ATRIP: variants seen among roughly 807,000 people sequenced by gnomAD.
The protein encoded by ATRIP is ATR-interacting protein.
Under a neutral mutation model 78.1 loss-of-function variants are expected in ATRIP, and 44 were observed. That is an observed-to-expected ratio of 0.56 (90% CI 0.44 to 0.72). ATRIP has a LOEUF of 0.72. ATRIP is among the 30% of genes least tolerant of loss of function. The pLI is 0.00. For missense variants in ATRIP, 927 were observed against 980.2 expected, an observed-to-expected ratio of 0.95 and a Z score of 0.72; for synonymous variants, 388 against 408.9, an observed-to-expected ratio of 0.95 and a Z score of 0.62.
Position 48,447,063 on chromosome 3 carries a change from A to G in ATRIP, c.218A>G (p.Gln73Arg). ...LDTLASQALS[Q>R]CPAAARDVSS... ...ACCCTCGCGTCACAGGCCCTGAGCC[A>G]ATGTCCGGCCGCGGCTCGGGACGTG... Residue 73 changes from glutamine to arginine, a missense_variant, in exon 1 of 13, where the codon CAA becomes CGA. Coordinates refer to ENST00000320211, the MANE Select transcript of ATRIP (RefSeq NM_130384.3). The G allele has an allele frequency of 6.4e-7, 1 of 1,566,528 alleles. No individual in the cohort carries two copies. The highest frequency in any genetic ancestry group is 8.6e-7 in the Non-Finnish European group (1 of 1,159,512).
At position 48,467,560 on chromosome 3, in the gene ATRIP, CCA is replaced by C. The variant is rs1315240244; in HGVS notation, c.*2010_*2011del. The C allele has an allele frequency of 1.2e-6, 2 of 1,613,794 alleles. No individual in the cohort carries two copies. Among genetic ancestry groups the C allele is most frequent in the Admixed American group, 1.7e-5 (1 of 60,026 alleles). ...CTGGCCATCCTGACCTTGGCAGTAGCCACACTGTATGGACTATCCCTGGCCAC... is the reference window on the plus strand; with the variant it reads ...CTGGCCATCCTGACCTTGGCAGTAGCCACTGTATGGACTATCCCTGGCCAC... On this transcript the variant is annotated 3_prime_UTR_variant, in exon 13 of 13. Coordinates refer to ENST00000320211, the MANE Select transcript of ATRIP (RefSeq NM_130384.3).
intron 8 of ATRIP, 115 bp downstream of exon 8, chr3:48,460,914 T>A: frequency 9.5e-7 from 1 of 1,056,598 alleles, no homozygotes; most frequent in Non-Finnish European, 1.3e-6. Context: ...TAGTTAGTTC[T>A]AAGGCTTGGT....
chr3:48,452,994 C>G (rs1004661720), intron 3 of ATRIP, among the ~76,000 whole-genome samples: 7 of 151,570 alleles, frequency 4.6e-5, no homozygotes, highest in African/African-American at 1.7e-4. Context: ...AAGCAATCCT[C>G]CCATCTCAGC....
At chr3:48,451,656 C>A (rs1474690448) in intron 2 of ATRIP, 73 bp from the exon 3 acceptor site, 2 of 1,323,066 alleles carry the variant, frequency 1.5e-6, no homozygotes, top group African/African-American at 1.5e-5. Context: ...ATCTCCCCAA[C>A]TACATGTTAA....
rs552759619 is a variant in ATRIP, at chr3:48,464,211, A to G, written c.1974+79A>G. The G allele has an allele frequency of 2.3e-6, 3 of 1,276,594 alleles. No individual in the cohort carries two copies. The South Asian group carries it at 3.6e-5, about 16-fold the overall frequency. 79.1% of individuals were successfully genotyped at this position (1,276,594 alleles called of 1,614,324 possible). A position where few individuals can be genotyped will look rare whatever the true frequency, so the allele number is the denominator to read the frequency against. The stretch of plus-strand genomic sequence containing the variant: ...AACAGAATCTCCTTTCTTTCCGCTG[A>G]GGAGAAACGGAGCTTTAATTCATTT... On this transcript the variant is annotated intron_variant, in intron 10 of 12. Coordinates refer to ENST00000320211, the MANE Select transcript of ATRIP (RefSeq NM_130384.3).
rs1460371878 is a variant in ATRIP at position 48,467,324 on chromosome 3, C to T, written c.*1770C>T. 6.2e-7 allele frequency: 1 copy of T among 1,614,046 alleles called. No homozygotes were observed. The highest frequency in any genetic ancestry group is 8.5e-7 in the Non-Finnish European group (1 of 1,180,052). On this transcript the variant is annotated 3_prime_UTR_variant, in exon 13 of 13. Coordinates refer to ENST00000320211, the MANE Select transcript of ATRIP (RefSeq NM_130384.3). ...TGCTGCGGTGGGTGGATGCTCACGCCAGGCCTTTCGGCACCATCAGGCCCA... is the reference window on the plus strand; with the variant it reads ...TGCTGCGGTGGGTGGATGCTCACGCTAGGCCTTTCGGCACCATCAGGCCCA...
intron 5 of ATRIP, among the ~76,000 whole-genome samples, chr3:48,459,133 T>C (rs565843018): frequency 1.3e-5 from 2 of 152,348 alleles, no homozygotes; most frequent in African/African-American, 4.8e-5. Context: ...AATTGCCTCA[T>C]TTTGAGTGAG....
Position 48,451,815 on chromosome 3 carries a change from A to G in ATRIP, c.468A>G (p.Leu156=), listed in dbSNP as rs1270800323. 3 of 1,613,154 alleles carry G rather than the reference A, an allele frequency of 1.9e-6. No homozygotes were observed. The highest frequency in any genetic ancestry group is 1.3e-5 in the African/African-American group (1 of 74,950). ...CACTACATCAGACGGAATCCGTTCT[A>G]GAGGAACAGAGAAGATCACATTTTC... The part of the protein sequence containing the change: ...RDSLHQTESV[L]EEQRRSHFLL... The change falls in exon 3 of 13, where the codon CTA becomes CTG. Residue 156 remains leucine (L), a synonymous_variant. Transcript: ENST00000320211.
At chr3:48,458,590 G>A (rs959416572) in intron 5 of ATRIP, among the ~76,000 whole-genome samples, 2 of 152,136 alleles carry the variant, frequency 1.3e-5, no homozygotes, top group Non-Finnish European at 2.9e-5. Flanking sequence ...AAAATGCTGG[G>A]ATTACAGGCA....
Position 48,460,240 on chromosome 3 carries a change from C to T in ATRIP, c.1186C>T (p.Arg396Cys), listed in dbSNP as rs373330865. Reference protein sequence around the residue: ...LNLVARNECSRDGDPAEGGRR... With the variant: ...LNLVARNECSCDGDPAEGGRR... ...TCTGGTTGCCCGGAATGAGTGCTCA[C>T]GTGATGGAGACCCAGCAGAGGGAGG... The change falls in exon 8 of 13, where the codon CGT becomes TGT. Residue 396 changes from arginine to cysteine, a missense_variant. Coordinates refer to ENST00000320211, the MANE Select transcript of ATRIP (RefSeq NM_130384.3). 4.2e-5 allele frequency: 68 copies of T among 1,614,044 alleles called. No individual in the cohort carries two copies. In the African/African-American group the frequency reaches 6.3e-4, roughly 15 times the overall value.
intron 4 of ATRIP, among the ~76,000 whole-genome samples, chr3:48,455,108 C>T (rs2039924108): frequency 6.6e-6 from 1 of 152,164 alleles, no homozygotes; most frequent in South Asian, 2.1e-4. Context: ...AATGATTTGC[C>T]AGCCTGGGCC....
chr3:48,464,556 A>G (rs377592809), intron 10 of ATRIP, 26 bp from the exon 11 acceptor site: 3 of 1,612,554 alleles, frequency 1.9e-6, no homozygotes, highest in African/African-American at 2.7e-5. Context: ...TCTGCCCAGG[A>G]TGGAACCAAT....
chr3:48,448,906 C>G (rs997732922), intron 1 of ATRIP, among the ~76,000 whole-genome samples: 1 of 152,192 alleles, frequency 6.6e-6, no homozygotes, highest in African/African-American at 2.4e-5. Context: ...GTCTTTTAAG[C>G]TCTGTGAGTG....
intron 2 of ATRIP, chr3:48,450,548 GGAATATGT>G: frequency 1.6e-6 from 2 of 1,287,416 alleles, no homozygotes; most frequent in Non-Finnish European, 2.0e-6. Flanking sequence ...AAGAAAACCA[GGAATATGT>G]GGAATTTTAG....
chr3:48,463,717 C>CA (rs2040182588), intron 8 of ATRIP, 28 bp from the exon 9 acceptor site: 1 of 1,613,086 alleles, frequency 6.2e-7, no homozygotes. Flanking sequence ...TGGGGAGTGT[C>CA]ACGTCTCTCT....
chr3:48,464,030 G>C lies in ATRIP; in HGVS notation c.1883-11G>C, dbSNP rs375243358. 223 of 1,612,740 alleles carry C rather than the reference G, an allele frequency of 1.4e-4. No homozygotes were observed. In the Middle Eastern group the frequency reaches 2.5e-3, roughly 18 times the overall value. ...GGGCACCCTGAGTGAGAGGTGCGCT[G>C]TCCTTTTCAGAAGGCTGCCTCCTGC... On this transcript the variant is annotated splice_polypyrimidine_tract_variant and intron_variant, in intron 9 of 12. Transcript: ENST00000320211.
At position 48,463,814 on chromosome 3, in the gene ATRIP, G is replaced by T. The variant is rs1475666486; in HGVS notation, c.1815G>T (p.Leu605=). 4 of 1,614,148 alleles carry T rather than the reference G, an allele frequency of 2.5e-6. No homozygotes were observed. In the South Asian group the frequency reaches 4.4e-5, roughly 18 times the overall value. The stretch of plus-strand genomic sequence containing the variant: ...AGACACCCCTGCCTAGCGTGCTGCT[G>T]GCTGTTGAGCTCCTCTCCCTGCTGG... ...SPETPLPSVL[L]AVELLSLLAD... is the part of the protein sequence containing the mutation. The change falls in exon 9 of 13, where the codon CTG becomes CTT. Residue 605 remains leucine (L), a synonymous_variant. Transcript: ENST00000320211.
In ATRIP at chr3:48,466,848, G is replaced by A; in HGVS notation, c.*1294G>A. ...AGTTCCTCCACCACCGCGTGTGGTA[G>A]ACAAGCTCTCCCTGTGTGTGGCTCC... On this transcript the variant is annotated 3_prime_UTR_variant, in exon 13 of 13. Coordinates refer to ENST00000320211, the MANE Select transcript of ATRIP (RefSeq NM_130384.3). 2 of 1,613,932 alleles carry A rather than the reference G, an allele frequency of 1.2e-6. No homozygotes were observed. The highest frequency in any genetic ancestry group is 1.7e-6 in the Non-Finnish European group (2 of 1,180,048).
rs1278857322 is a variant in ATRIP, at chr3:48,465,665, T to TTTC, written c.*112_*114dup. On this transcript the variant is annotated 3_prime_UTR_variant, in exon 13 of 13. Transcript: ENST00000320211. ...CTGCCCAGAGAACTGGCTGGCCTTG[T>TTTC]TTCCTGAGTCTGATCTGTTTGGCGG... The TTTC allele has an allele frequency of 9.5e-6, 11 of 1,152,662 alleles. No individual in the cohort carries two copies. In the African/African-American group the frequency reaches 1.5e-4, roughly 16 times the overall value. 71.4% of individuals were successfully genotyped at this position (1,152,662 alleles called of 1,614,324 possible).
Sources: gnomAD v4.1 joint callset for allele counts (sites outside exome capture counted in the v4.1 genomes callset) on GRCh38, gnomAD v4.1.1 for gene constraint, MANE v1.5 for transcripts, NCBI Gene and HGNC (gene_info 2026-07-23, HGNC 2026-07-21) for gene names.